RBM6: variants seen among roughly 807,000 people sequenced by gnomAD.
RBM6 encodes the protein RNA-binding protein 6.
In RBM6, 23 loss-of-function variants were observed where a neutral mutation model predicts 140.4. The ratio of observed to expected loss-of-function variants is 0.16; its 90% CI spans 0.12 to 0.23. The LOEUF is 0.23. Among genes scored for constraint, RBM6 ranks in the 10% least tolerant of loss-of-function variants. RBM6 has a pLI of 1.00. For synonymous variants in RBM6, 439 were observed against 475.6 expected (o/e 0.92, Z 1.00); for missense variants, 1,139 against 1,386.7 (o/e 0.82, Z 2.84).
chr3:49,956,155 T>TA (rs2083977442), intron 1 of RBM6, among the ~76,000 whole-genome samples: 3 of 151,806 alleles, frequency 2.0e-5, no homozygotes, highest in African/African-American at 7.3e-5. Flanking sequence ...CCTGAGTAGC[T>TA]GGTAGTATAG....
Position 50,071,882 on chromosome 3 carries a change from G to A in RBM6, c.3116+1330G>A, listed in dbSNP as rs1025747723. 2.7e-5 allele frequency among the ~76,000 whole-genome samples: 4 copies of A among 150,716 alleles called. No homozygotes were observed. The Admixed American group carries it at 2.7e-4, about 10-fold the overall frequency. ...GGGTGGATCACAAGGTCAGGAGTTC[G>A]AGACCAGCCTGGCCAAGATGGTGAA... On this transcript the variant is annotated intron_variant, in intron 19 of 20. Transcript: ENST00000266022.
chr3:50,061,905 G>A, intron 14 of RBM6, 57 bp from the exon 15 acceptor site: 1 of 1,583,052 alleles, frequency 6.3e-7, no homozygotes, highest in Non-Finnish European at 8.6e-7. Flanking sequence ...CTTAGACCTG[G>A]AATTGCTGGG....
At chr3:50,032,744 T>C (rs1048861141) in intron 6 of RBM6, among the ~76,000 whole-genome samples, 1 of 152,048 alleles carries the variant, frequency 6.6e-6, no homozygotes, top group African/African-American at 2.4e-5. Context: ...CCCAGCACTT[T>C]GGGAGGCCGA....
At chr3:49,962,103 C>A (rs1470276847) in intron 1 of RBM6, among the ~76,000 whole-genome samples, 1 of 142,420 alleles carries the variant, frequency 7.0e-6, no homozygotes, top group Non-Finnish European at 1.5e-5. Context: ...GGGCTGAGAT[C>A]GTGCCTTTGC....
chr3:49,991,336 T>C (rs2108708040), intron 5 of RBM6, among the ~76,000 whole-genome samples: 1 of 152,254 alleles, frequency 6.6e-6, no homozygotes, highest in South Asian at 2.1e-4. Flanking sequence ...GAGGTCTCAT[T>C]ATGTAGGCAG....
chr3:50,029,327 A>AGGTTTG (rs2088013681), intron 6 of RBM6, among the ~76,000 whole-genome samples: 1 of 152,214 alleles, frequency 6.6e-6, no homozygotes, highest in Non-Finnish European at 1.5e-5. Context: ...ATGTGGAAGG[A>AGGTTTG]AGAGATCAGG....
At chr3:50,034,748 G>A (rs563104274) in intron 6 of RBM6, among the ~76,000 whole-genome samples, 2 of 152,128 alleles carry the variant, frequency 1.3e-5, no homozygotes, top group Admixed American at 6.5e-5. Context: ...GCGACAGAGC[G>A]AGACTCCGTC....
chr3:49,953,126 G>A (rs12630917), intron 1 of RBM6, among the ~76,000 whole-genome samples: 10,625 of 151,806 alleles, frequency 0.07, 390 homozygotes, highest in Non-Finnish European at 0.077. Flanking sequence ...TGCAATCATG[G>A]CTTACTGCAG....
chr3:50,064,922 T>C (rs1031233764), intron 15 of RBM6, 109 bp from the exon 16 acceptor site: 154 of 825,460 alleles, frequency 1.9e-4, no homozygotes, highest in Non-Finnish European at 2.7e-4. Context: ...TCCACCTGCC[T>C]TGACCTCCCA....
At chr3:49,954,162 G>A (rs1464752262) in intron 1 of RBM6, among the ~76,000 whole-genome samples, 2 of 151,750 alleles carry the variant, frequency 1.3e-5, no homozygotes, top group South Asian at 2.1e-4. Flanking sequence ...TTTATAGGCC[G>A]GGCGCAATGG....
At chr3:50,011,956 A>G (rs1329491106) in intron 6 of RBM6, among the ~76,000 whole-genome samples, 4 of 151,772 alleles carry the variant, frequency 2.6e-5, no homozygotes, top group Admixed American at 2.0e-4. Flanking sequence ...GGCTCAAGCA[A>G]TTCTCCCACC....
intron 3 of RBM6, among the ~76,000 whole-genome samples, chr3:49,968,990 A>G (rs2108636354): frequency 6.7e-6 from 1 of 149,280 alleles, no homozygotes; most frequent in Admixed American, 6.6e-5. Context: ...TTTTCTTTAA[A>G]TAAGACTTTT....
In RBM6 at chr3:49,972,682, A is replaced by G. The variant is rs371423446; in HGVS notation, c.1413+534A>G. On this transcript the variant is annotated intron_variant, in intron 4 of 20. Transcript: ENST00000266022. ...CACTCTAAATATTAAGCATTACTGT[A>G]TGTAATTGTTCTAGATACTGAGTGA... is the stretch of plus-strand genomic sequence containing the variant. Among the ~76,000 whole-genome samples the G allele has an allele frequency of 2.6e-5, 4 of 152,330 alleles. No individual in the cohort carries two copies. In the East Asian group the frequency reaches 7.7e-4, roughly 29 times the overall value.
At chr3:50,007,587 C>A (rs1486195954) in intron 6 of RBM6, among the ~76,000 whole-genome samples, 1 of 151,384 alleles carries the variant, frequency 6.6e-6, no homozygotes, top group African/African-American at 2.4e-5. Flanking sequence ...GGTTGGAGTG[C>A]GGTGGCGTGA....
chr3:49,942,140 A>T (rs2083312146), intron 1 of RBM6, among the ~76,000 whole-genome samples: 1 of 151,382 alleles, frequency 6.6e-6, no homozygotes, highest in African/African-American at 2.4e-5. Context: ...GTAAATATAT[A>T]TTTTTATGTA....
chr3:49,968,996 C>G (rs2108636371), intron 3 of RBM6, among the ~76,000 whole-genome samples: 1 of 146,920 alleles, frequency 6.8e-6, no homozygotes, highest in East Asian at 2.0e-4. Context: ...TTAAATAAGA[C>G]TTTTGTGAAG....
At chr3:50,000,951 G>C (rs2086300119) in intron 6 of RBM6, among the ~76,000 whole-genome samples, 1 of 152,112 alleles carries the variant, frequency 6.6e-6, no homozygotes, top group African/African-American at 2.4e-5. Flanking sequence ...TCCTTATCTT[G>C]TTAGTAGTTT....
chr3:49,963,380 C>T (rs1234027402), intron 2 of RBM6, among the ~76,000 whole-genome samples: 1 of 151,778 alleles, frequency 6.6e-6, no homozygotes, highest in Non-Finnish European at 1.5e-5. Context: ...ATTACAGGCG[C>T]GTGCCACTAT....
intron 7 of RBM6, among the ~76,000 whole-genome samples, chr3:50,049,736 A>G (rs1433329998): frequency 1.3e-5 from 2 of 152,198 alleles, no homozygotes; most frequent in African/African-American, 4.8e-5. Context: ...TTTTATTGAG[A>G]TAAAATACAT....
Sources: allele counts gnomAD v4.1 joint callset (sites outside exome capture counted in the v4.1 genomes callset), GRCh38; gene constraint gnomAD v4.1.1; transcripts MANE v1.5; gene names NCBI Gene and HGNC (gene_info 2026-07-23, HGNC 2026-07-21).